SBF2: variants seen among roughly 807,000 people sequenced by gnomAD.
SBF2 encodes the protein SET binding factor 2.
Under a neutral mutation model 225.2 loss-of-function variants are expected in SBF2, and 112 were observed. The ratio of observed to expected loss-of-function variants is 0.50; its 90% confidence interval spans 0.43 to 0.58. SBF2 has a LOEUF of 0.58. Among genes scored for constraint, SBF2 ranks in the 20% least tolerant of loss-of-function variants. The pLI is 0.00. For synonymous variants in SBF2, 763 were observed against 773.3 expected (o/e 0.99, Z 0.22); for missense variants, 1,996 against 2,206.2 (o/e 0.90, Z 1.91).
rs1163762663 is a variant in SBF2 at position 9,779,416 on chromosome 11, A to ACAAT, written c.*998_*1001dup. On this transcript the variant is annotated 3_prime_UTR_variant, in exon 40 of 40. Coordinates refer to ENST00000256190, the MANE Select transcript of SBF2 (RefSeq NM_030962.4). ...CAGCATTTCTTGGGTCTTAAGCTAAACAATCACAAGTTATCAAAGTAAAGA... is the reference window on the plus strand; with the variant it reads ...CAGCATTTCTTGGGTCTTAAGCTAAACAATCAATCACAAGTTATCAAAGTAAAGA... 2 of 152,654 alleles carry ACAAT rather than the reference A, an allele frequency of 1.3e-5. No individual in the cohort carries two copies. The highest frequency in any genetic ancestry group is 2.9e-5 in the Non-Finnish European group (2 of 68,048). The allele number at this position is 152,654 out of a possible 1,614,324, so 9.5% of individuals were successfully genotyped here.
At chr11:9,962,793 A>C (rs1047800056) in intron 15 of SBF2, among the ~76,000 whole-genome samples, 2 of 152,212 alleles carry the variant, frequency 1.3e-5, no homozygotes, top group African/African-American at 4.8e-5. Flanking sequence ...ATCAGAACAA[A>C]GGAGAAAACA....
intron 16 of SBF2, among the ~76,000 whole-genome samples, chr11:9,931,374 T>C (rs992943005): frequency 1.3e-5 from 2 of 152,130 alleles, no homozygotes; most frequent in Non-Finnish European, 1.5e-5. Flanking sequence ...ACACCTGATA[T>C]AGATGGGTGC....
At chr11:10,173,366 GAGTTCCCTTTCCT>G (rs1273876120) in intron 2 of SBF2, among the ~76,000 whole-genome samples, 1 of 152,218 alleles carries the variant, frequency 6.6e-6, no homozygotes, top group Non-Finnish European at 1.5e-5. Context: ...AGGGGTCAGG[GAGTTCCCTTTCCT>G]AGTCAAAGAA....
At chr11:9,817,149 C>G in intron 28 of SBF2, 125 bp from the exon 29 acceptor site, 1 of 988,850 alleles carries the variant, frequency 1.0e-6, no homozygotes, top group Non-Finnish European at 1.6e-6. Flanking sequence ...ATCTAAAAAC[C>G]GTAAGTCATA....
chr11:10,060,764 C>T (rs1433456686), intron 2 of SBF2, among the ~76,000 whole-genome samples: 2 of 152,172 alleles, frequency 1.3e-5, no homozygotes, highest in Non-Finnish European at 2.9e-5. Context: ...TGCGGTGGCT[C>T]ATGCCTGTAA....
chr11:10,060,814 G>C (rs995271543), intron 2 of SBF2, among the ~76,000 whole-genome samples: 2 of 152,102 alleles, frequency 1.3e-5, no homozygotes, highest in African/African-American at 4.8e-5. Context: ...GGATCACGAG[G>C]TTAGGCGATC....
chr11:10,051,573 G>A (rs1485237645), intron 2 of SBF2, among the ~76,000 whole-genome samples: 2 of 152,002 alleles, frequency 1.3e-5, no homozygotes, highest in Non-Finnish European at 2.9e-5. Flanking sequence ...TGTTAAGATA[G>A]TTAACTAGAC....
chr11:10,003,608 A>G (rs1590730222), intron 6 of SBF2, among the ~76,000 whole-genome samples: 1 of 151,880 alleles, frequency 6.6e-6, no homozygotes, highest in Non-Finnish European at 1.5e-5. Flanking sequence ...ACTTGGTGAT[A>G]CACCTGCCTC....
At chr11:10,238,621 A>G (rs528402056) in intron 1 of SBF2, among the ~76,000 whole-genome samples, 1 of 149,256 alleles carries the variant, frequency 6.7e-6, no homozygotes, top group Admixed American at 6.7e-5. Context: ...AGACAAATCC[A>G]AAATAACATG....
intron 2 of SBF2, among the ~76,000 whole-genome samples, chr11:10,116,909 AACTATT>A (rs1264410467): frequency 4.6e-5 from 7 of 152,364 alleles, no homozygotes; most frequent in Non-Finnish European, 1.0e-4. Flanking sequence ...TTGGTTTCAA[AACTATT>A]ACTTTTTCCA....
intron 1 of SBF2, among the ~76,000 whole-genome samples, chr11:10,222,281 G>T (rs1958368006): frequency 6.6e-6 from 1 of 152,156 alleles, no homozygotes; most frequent in Admixed American, 6.5e-5. Context: ...AAGTGGCCAA[G>T]TTGCAAGACA....
Position 9,834,311 on chromosome 11 carries a change from C to T in SBF2, c.3456-1891G>A, listed in dbSNP as rs192852041. Among the ~76,000 whole-genome samples the T allele has an allele frequency of 5.6e-4, 85 of 152,026 alleles. No individual in the cohort carries two copies. The East Asian group carries it at 0.011, about 20-fold the overall frequency. ...TTCTCCATGTTGGTCAGGCTGGTCT[C>T]GGACTCCTGACCTTAGGTGATCTGC... On this transcript the variant is annotated intron_variant, in intron 26 of 39. Transcript: ENST00000256190.
rs181723859 is a variant in SBF2 at position 10,029,974 on chromosome 11, A to G, written c.403-99T>C. On this transcript the variant is annotated intron_variant, in intron 4 of 39. Transcript: ENST00000256190. Reference sequence around the variant, plus strand: ...AGGACGATTTCTCTTTGAACCCAGTAAAGTATATTATACAGTGAACATGGA... The same window carrying G: ...AGGACGATTTCTCTTTGAACCCAGTGAAGTATATTATACAGTGAACATGGA... 4.1e-5 allele frequency: 34 copies of G among 835,902 alleles called. No homozygotes were observed. In the East Asian group the frequency reaches 7.5e-4, roughly 19 times the overall value. The allele number at this position is 835,902 out of a possible 1,614,324, so 51.8% of individuals were successfully genotyped here. A position where few individuals can be genotyped will look rare whatever the true frequency, so the allele number is the denominator to read the frequency against.
In SBF2 at chr11:9,998,337, T is replaced by C. The variant is rs1436284358; in HGVS notation, c.904A>G (p.Ile302Val). The C allele has an allele frequency of 6.2e-7, 1 of 1,608,610 alleles. No individual in the cohort carries two copies. Residue 302 changes from isoleucine to valine, a missense_variant, in exon 9 of 40, where the codon ATT (isoleucine) becomes GTT (valine). By Grantham distance (29) the Ile-to-Val change is conservative. Transcript: ENST00000256190. ...GAAGAGAGGTGAATACATTCGGGAA[T>C]TTTAATAGTGCCTCCATCCAAATCT... ...IADLDGGTIKIPECIHLSSLP... is the reference protein window; with the variant it reads ...IADLDGGTIKVPECIHLSSLP...
In SBF2 at chr11:9,870,842, C is replaced by T. The variant is rs1350913619; in HGVS notation, c.1930-12446G>A. Among the ~76,000 whole-genome samples the T allele has an allele frequency of 8.6e-5, 13 of 151,946 alleles. No homozygotes were observed. In the East Asian group the frequency reaches 9.7e-4, roughly 11 times the overall value. On this transcript the variant is annotated intron_variant, in intron 17 of 39. Transcript: ENST00000256190. The stretch of plus-strand genomic sequence containing the variant: ...TACAAAAATTAGCTGGGTGTGGTGG[C>T]GCACGCCTGTAGTCCCAGCTACTTG...
intron 35 of SBF2, chr11:9,787,975 C>T: frequency 5.4e-6 from 3 of 555,036 alleles, no homozygotes; most frequent in South Asian, 4.0e-5. Flanking sequence ...CCTTTTTGTA[C>T]AGGATAGCTT....
intron 13 of SBF2, among the ~76,000 whole-genome samples, chr11:9,982,485 CT>C (rs1947000478): frequency 6.6e-6 from 1 of 152,134 alleles, no homozygotes; most frequent in Non-Finnish European, 1.5e-5. Flanking sequence ...AGCAAAAAAA[CT>C]ATCACAGGAA....
chr11:10,151,229 G>T (rs929727016), intron 2 of SBF2, among the ~76,000 whole-genome samples: 44 of 152,126 alleles, frequency 2.9e-4, no homozygotes, highest in African/African-American at 1.1e-3. Context: ...TTCTAAAGAG[G>T]TTCTATAATG....
chr11:10,265,876 C>A lies in SBF2; in HGVS notation c.55+28139G>T, dbSNP rs2957656. Among the ~76,000 whole-genome samples the A allele has an allele frequency of 2.1e-5, 3 of 141,070 alleles. No homozygotes were observed. In the South Asian group the frequency reaches 7.1e-4, roughly 33 times the overall value. 92.5% of individuals were successfully genotyped at this position (141,070 alleles called of 152,430 possible). ...GGCTAATTGTGTGTGTGTGTGTGTG[C>A]GCGCGCGCATGTGTGTGTGTGTTTT... On this transcript the variant is annotated intron_variant, in intron 1 of 39. Coordinates refer to ENST00000256190, the MANE Select transcript of SBF2 (RefSeq NM_030962.4).
Sources: gnomAD v4.1 joint callset for allele counts (sites outside exome capture counted in the v4.1 genomes callset) on GRCh38, gnomAD v4.1.1 for gene constraint, MANE v1.5 for transcripts, NCBI Gene and HGNC (gene_info 2026-07-23, HGNC 2026-07-21) for gene names.